PPFIA2: variants seen among roughly 807,000 people sequenced by gnomAD.
PPFIA2 encodes PPFI scaffold protein A2.
In PPFIA2, 46 loss-of-function variants were observed where a neutral mutation model predicts 175.5. The observed-to-expected ratio is 0.26, with a 90% CI of 0.21 to 0.34. The LOEUF (loss-of-function observed/expected upper bound fraction) is 0.34. Among genes scored for constraint, PPFIA2 ranks in the 10% least tolerant of loss-of-function variants. The probability of loss-of-function intolerance (pLI) is 1.00; values close to 1 mark genes in which losing one functional copy is unlikely to be tolerated. For missense variants in PPFIA2, 1,179 were observed against 1,506.1 expected (o/e 0.78, Z 3.60); for synonymous variants, 568 against 511.4 (o/e 1.11, Z -1.49).
intron 7 of PPFIA2, among the ~76,000 whole-genome samples, chr12:81,412,268 C>T (rs1680358110): frequency 1.4e-5 from 2 of 138,980 alleles, no homozygotes; most frequent in African/African-American, 5.3e-5. Context: ...TTCTAAGTAT[C>T]ACAAAATACT....
intron 4 of PPFIA2, among the ~76,000 whole-genome samples, chr12:81,619,098 G>A (rs1283146243): frequency 1.3e-5 from 2 of 152,060 alleles, no homozygotes; most frequent in African/African-American, 2.4e-5. Flanking sequence ...ATTCAGTAAC[G>A]GCCTTAGAAA....
intron 4 of PPFIA2, among the ~76,000 whole-genome samples, chr12:81,671,096 A>G (rs1443634575): frequency 2.0e-5 from 3 of 151,580 alleles, no homozygotes; most frequent in Admixed American, 6.6e-5. Flanking sequence ...TATATTCCCA[A>G]CTCAGCTCAA....
At chr12:81,707,354 G>A (rs2077303190) in intron 3 of PPFIA2, among the ~76,000 whole-genome samples, 4 of 152,074 alleles carry the variant, frequency 2.6e-5, no homozygotes, top group Admixed American at 2.6e-4. Context: ...ATCAAAAAGT[G>A]GGCGAAGGAC....
chr12:81,592,818 C>T (rs2058822781), intron 4 of PPFIA2, among the ~76,000 whole-genome samples: 2 of 13,466 alleles, frequency 1.5e-4, no homozygotes, highest in Non-Finnish European at 3.5e-4. Flanking sequence ...TTCACTGGTG[C>T]GATCTTGGCT....
chr12:81,729,017 T>G (rs1414886894), intron 3 of PPFIA2, among the ~76,000 whole-genome samples: 1 of 151,518 alleles, frequency 6.6e-6, no homozygotes, highest in African/African-American at 2.4e-5. Context: ...ATGGGCTACA[T>G]ATATGTAAAC....
rs571821814 is a variant in PPFIA2, at chr12:81,265,291, C to CAAAAAAAA, written c.3555+1653_3555+1660dup. On this transcript the variant is annotated intron_variant, in intron 30 of 32. Coordinates refer to ENST00000549396, the MANE Select transcript of PPFIA2 (RefSeq NM_003625.5). The stretch of plus-strand genomic sequence containing the variant: ...CTGGGCAACAAGAGCGAAACTCTGT[C>CAAAAAAAA]AAAAAAAAAAAAAAAAAAAAAAAAA... Among the ~76,000 whole-genome samples, 396 of 69,964 alleles carry CAAAAAAAA rather than the reference C, an allele frequency of 5.7e-3. 11 individuals carry two copies. The highest frequency in any genetic ancestry group is 0.024 in the African/African-American group (385 of 15,896). 45.9% of individuals were successfully genotyped at this position (69,964 alleles called of 152,430 possible).
intron 4 of PPFIA2, among the ~76,000 whole-genome samples, chr12:81,585,847 A>G (rs192531587): frequency 0.01 from 1,579 of 152,056 alleles, 29 homozygotes; most frequent in African/African-American, 0.033. Context: ...TGTACTGTAC[A>G]TAATTGTATG....
rs2136047473 is a variant in PPFIA2 at position 81,259,398 on chromosome 12, T to A, written c.*296A>T. ...ATTACAATAAAACATGAAAAACAAC[T>A]GGCTTCATTTCATAAAAGCATCTGT... On this transcript the variant is annotated 3_prime_UTR_variant, in exon 33 of 33. Coordinates refer to ENST00000549396, the MANE Select transcript of PPFIA2 (RefSeq NM_003625.5). 1.6e-6 allele frequency: 1 copy of A among 643,056 alleles called. No homozygotes were observed. The highest frequency in any genetic ancestry group is 1.8e-5 in the African/African-American group (1 of 55,162). 39.8% of individuals were successfully genotyped at this position (643,056 alleles called of 1,614,324 possible).
intron 4 of PPFIA2, among the ~76,000 whole-genome samples, chr12:81,655,493 G>A (rs2067651908): frequency 6.6e-6 from 1 of 151,678 alleles, no homozygotes; most frequent in Admixed American, 6.6e-5. Flanking sequence ...TCAATATGTA[G>A]TATCTCAAAA....
intron 23 of PPFIA2, chr12:81,297,958 T>G (rs887947430): frequency 6.6e-6 from 1 of 152,220 alleles, no homozygotes; most frequent in Non-Finnish European, 1.5e-5. Flanking sequence ...TCATAGGCAA[T>G]TTCTGTGTAC....
chr12:81,657,146 C>T (rs574837859), intron 4 of PPFIA2, among the ~76,000 whole-genome samples: 4 of 152,274 alleles, frequency 2.6e-5, no homozygotes, highest in Non-Finnish European at 4.4e-5. Flanking sequence ...AAGTTATTTT[C>T]CTTCCAGATG....
chr12:81,348,475 C>A (rs746767103), intron 17 of PPFIA2, among the ~76,000 whole-genome samples: 2 of 152,096 alleles, frequency 1.3e-5, no homozygotes, highest in Non-Finnish European at 2.9e-5. Flanking sequence ...TGGTGGCTCA[C>A]GCCTGTAATC....
At chr12:81,437,292 C>T (rs77142151) in intron 7 of PPFIA2, among the ~76,000 whole-genome samples, 7 of 152,110 alleles carry the variant, frequency 4.6e-5, no homozygotes, top group Non-Finnish European at 7.4e-5. Context: ...TGCAGTGGCG[C>T]GATCTCGGCT....
chr12:81,449,734 AC>A (rs1380225627), intron 5 of PPFIA2, among the ~76,000 whole-genome samples: 1 of 151,480 alleles, frequency 6.6e-6, no homozygotes, highest in Non-Finnish European at 1.5e-5. Context: ...GGTGTGCTGC[AC>A]CCATTAACTC....
intron 4 of PPFIA2, among the ~76,000 whole-genome samples, chr12:81,604,977 C>G (rs1053968517): frequency 6.6e-6 from 1 of 151,644 alleles, no homozygotes; most frequent in Non-Finnish European, 1.5e-5. Flanking sequence ...TCTAATACAC[C>G]CTTGTGCCCT....
At chr12:81,411,790 T>C (rs568165000) in intron 7 of PPFIA2, among the ~76,000 whole-genome samples, 4 of 152,098 alleles carry the variant, frequency 2.6e-5, no homozygotes, top group African/African-American at 9.6e-5. Context: ...AATTGTACTC[T>C]CATTGGGGAA....
intron 4 of PPFIA2, among the ~76,000 whole-genome samples, chr12:81,562,676 T>C (rs1048455201): frequency 4.0e-5 from 6 of 149,660 alleles, no homozygotes; most frequent in Admixed American, 6.6e-5. Context: ...TGAAACCCCG[T>C]CTCTACTAAA....
At chr12:81,750,158 G>T (rs939767671) in intron 3 of PPFIA2, among the ~76,000 whole-genome samples, 1 of 143,676 alleles carries the variant, frequency 7.0e-6, no homozygotes, top group Non-Finnish European at 1.6e-5. Context: ...AAATTAACCA[G>T]ACAAAGACAT....
intron 4 of PPFIA2, among the ~76,000 whole-genome samples, chr12:81,672,217 G>T (rs1424829817): frequency 2.6e-5 from 4 of 151,924 alleles, no homozygotes; most frequent in Admixed American, 1.3e-4. Context: ...ATTAGGACAC[G>T]ATTCAGATTA....
Sources: allele counts gnomAD v4.1 joint callset (sites outside exome capture counted in the v4.1 genomes callset), GRCh38; gene constraint gnomAD v4.1.1; transcripts MANE v1.5; gene names NCBI Gene and HGNC (gene_info 2026-07-23, HGNC 2026-07-21).